LRRTM4: variants seen among roughly 807,000 people sequenced by gnomAD.
LRRTM4 encodes leucine rich repeat transmembrane neuronal 4.
In LRRTM4, 25 loss-of-function variants were observed where a neutral mutation model predicts 47.6. The observed-to-expected ratio is 0.53, with a 90% CI of 0.38 to 0.73. The LOEUF is 0.73. Ranked by LOEUF, LRRTM4 falls within the 30% of genes least tolerant of loss-of-function variation. LRRTM4 has a pLI of 0.00. For missense variants in LRRTM4, 638 were observed against 713.4 expected, an observed-to-expected ratio of 0.89 and a Z score of 1.20; for synonymous variants, 311 against 269.5, an observed-to-expected ratio of 1.15 and a Z score of -1.51.
At chr2:76,873,111 A>T (rs901222621) in intron 3 of LRRTM4, among the ~76,000 whole-genome samples, 2 of 152,128 alleles carry the variant, frequency 1.3e-5, no homozygotes, top group African/African-American at 4.8e-5. Context: ...AAGACACTCT[A>T]CTTCCAGCAT....
rs1188167851 is a variant in LRRTM4 at position 77,502,132 on chromosome 2, AAT to A, written c.1551+16184_1551+16185del. Among the ~76,000 whole-genome samples, 2 of 151,562 alleles carry A rather than the reference AAT, an allele frequency of 1.3e-5. 1 individual carries two copies. The highest frequency in any genetic ancestry group is 3.9e-4 in the East Asian group (2 of 5,184). ...AAATTAATATTATTCACTAACTAAA[AAT>A]ATGTGTAGACGAATGCTTACTGATA... On this transcript the variant is annotated intron_variant, in intron 3 of 3. Coordinates refer to ENST00000409884, the MANE Select transcript of LRRTM4 (RefSeq NM_001134745.3).
chr2:76,997,795 T>C (rs1191908991), intron 3 of LRRTM4, among the ~76,000 whole-genome samples: 1 of 152,100 alleles, frequency 6.6e-6, no homozygotes, highest in Non-Finnish European at 1.5e-5. Context: ...GCTTCATCTG[T>C]ATCTACAGCT....
intron 3 of LRRTM4, among the ~76,000 whole-genome samples, chr2:76,944,950 A>T (rs1388549781): frequency 6.6e-6 from 1 of 152,070 alleles, no homozygotes; most frequent in Non-Finnish European, 1.5e-5. Flanking sequence ...CTTCCTTGGG[A>T]AGTTTTTACG....
At chr2:77,077,078 C>A (rs1333955012) in intron 3 of LRRTM4, among the ~76,000 whole-genome samples, 1 of 152,066 alleles carries the variant, frequency 6.6e-6, no homozygotes, top group Non-Finnish European at 1.5e-5. Flanking sequence ...GTCTGACAAG[C>A]AAAATTTATT....
At chr2:77,348,863 A>G (rs1671662022) in intron 3 of LRRTM4, among the ~76,000 whole-genome samples, 1 of 151,804 alleles carries the variant, frequency 6.6e-6, no homozygotes, top group South Asian at 2.1e-4. Flanking sequence ...AAAACTATCA[A>G]CATAATCTTA....
At chr2:76,930,761 C>T (rs1004158194) in intron 3 of LRRTM4, among the ~76,000 whole-genome samples, 4 of 152,092 alleles carry the variant, frequency 2.6e-5, no homozygotes, top group African/African-American at 9.7e-5. Context: ...CTGACCTTAA[C>T]CTCCTAATCT....
At chr2:77,349,620 T>C (rs970755471) in intron 3 of LRRTM4, among the ~76,000 whole-genome samples, 1 of 151,954 alleles carries the variant, frequency 6.6e-6, no homozygotes, top group African/African-American at 2.4e-5. Context: ...TGTAAAATAA[T>C]ATTTTTGCTA....
chr2:76,958,357 C>T (rs1190114274), intron 3 of LRRTM4, among the ~76,000 whole-genome samples: 1 of 151,688 alleles, frequency 6.6e-6, no homozygotes, highest in Non-Finnish European at 1.5e-5. Flanking sequence ...GATGGATTTT[C>T]CAACTCGAAG....
At chr2:77,393,015 A>G (rs1414361283) in intron 3 of LRRTM4, among the ~76,000 whole-genome samples, 1 of 152,006 alleles carries the variant, frequency 6.6e-6, no homozygotes, top group Non-Finnish European at 1.5e-5. Context: ...TTAAAAAAAG[A>G]ACTATGCCAC....
chr2:76,761,404 G>A (rs1466879719), intron 3 of LRRTM4, among the ~76,000 whole-genome samples: 1 of 152,042 alleles, frequency 6.6e-6, no homozygotes, highest in East Asian at 1.9e-4. Context: ...CATCAATTTG[G>A]TTATGTATAT....
At chr2:77,228,904 A>G (rs1390978085) in intron 3 of LRRTM4, among the ~76,000 whole-genome samples, 1 of 152,156 alleles carries the variant, frequency 6.6e-6, no homozygotes, top group Non-Finnish European at 1.5e-5. Context: ...CCTGTCTCCC[A>G]GTAAACCAGG....
intron 3 of LRRTM4, among the ~76,000 whole-genome samples, chr2:77,113,917 TCGGGGC>T (rs1671318679): frequency 6.6e-6 from 1 of 152,034 alleles, no homozygotes; most frequent in Admixed American, 6.5e-5. Flanking sequence ...GCTGTCCTAT[TCGGGGC>T]CGCGGAAGCT....
intron 3 of LRRTM4, among the ~76,000 whole-genome samples, chr2:77,480,800 G>GTA (rs1677649562): frequency 7.6e-6 from 1 of 131,376 alleles, no homozygotes; most frequent in African/African-American, 2.9e-5. Context: ...GTGTGTGTGT[G>GTA]TGTGTGTGTG....
At chr2:77,210,413 G>A (rs537511893) in intron 3 of LRRTM4, among the ~76,000 whole-genome samples, 1 of 152,042 alleles carries the variant, frequency 6.6e-6, no homozygotes, top group East Asian at 1.9e-4. Context: ...AAATTCCTAA[G>A]ACAAGTCACA....
At chr2:77,216,588 A>T (rs756623741) in intron 3 of LRRTM4, among the ~76,000 whole-genome samples, 1 of 152,214 alleles carries the variant, frequency 6.6e-6, no homozygotes, top group African/African-American at 2.4e-5. Flanking sequence ...TATATTTATA[A>T]GTAGCAATAT....
chr2:76,994,458 T>C (rs967599158), intron 3 of LRRTM4, among the ~76,000 whole-genome samples: 1 of 151,854 alleles, frequency 6.6e-6, no homozygotes, highest in Non-Finnish European at 1.5e-5. Context: ...AGAGAACTGA[T>C]GTAAATCAGC....
intron 3 of LRRTM4, among the ~76,000 whole-genome samples, chr2:76,762,590 G>T (rs1234995255): frequency 3.3e-5 from 5 of 152,140 alleles, no homozygotes; most frequent in Non-Finnish European, 7.4e-5. Context: ...CAGATAATTT[G>T]TATTTATCAT....
chr2:77,465,498 G>A (rs182285429), intron 3 of LRRTM4, among the ~76,000 whole-genome samples: 1 of 152,006 alleles, frequency 6.6e-6, no homozygotes, highest in African/African-American at 2.4e-5. Context: ...CTCTACCAAG[G>A]ACATTTGTAT....
At chr2:77,309,597 C>A (rs544854204) in intron 3 of LRRTM4, among the ~76,000 whole-genome samples, 2 of 152,020 alleles carry the variant, frequency 1.3e-5, no homozygotes, top group African/African-American at 4.8e-5. Flanking sequence ...GGAAAGCTAG[C>A]CCCCTGGGAT....
Sources: gnomAD v4.1 joint callset for allele counts (sites outside exome capture counted in the v4.1 genomes callset) on GRCh38, gnomAD v4.1.1 for gene constraint, MANE v1.5 for transcripts, NCBI Gene and HGNC (gene_info 2026-07-23, HGNC 2026-07-21) for gene names.